The following NRG3 variants were observed in gnomAD, a reference collection of about 807,000 sequenced individuals.
NRG3 encodes neuregulin 3, also known as pro-neuregulin-3, membrane-bound isoform.
A neutral mutation model predicts 66.9 loss-of-function variants in NRG3; 31 were observed. That is an observed-to-expected ratio of 0.46 (90% CI 0.35 to 0.63). NRG3 has a LOEUF of 0.63. NRG3 is among the 20% of genes least tolerant of loss of function. NRG3 has a pLI of 0.00. For synonymous variants in NRG3, 393 were observed against 359.4 expected, an observed-to-expected ratio of 1.09 and a Z score of -1.06; for missense variants, 910 against 878.9, an observed-to-expected ratio of 1.04 and a Z score of -0.45.
intron 1 of NRG3, among the ~76,000 whole-genome samples, chr10:82,180,672 A>G (rs567607439): frequency 6.6e-6 from 1 of 151,968 alleles, no homozygotes; most frequent in African/African-American, 2.4e-5. Flanking sequence ...TTTTACATGC[A>G]TATTCATCAG....
chr10:82,929,834 C>T (rs1312189635), intron 4 of NRG3, among the ~76,000 whole-genome samples: 2 of 149,534 alleles, frequency 1.3e-5, no homozygotes, highest in Non-Finnish European at 3.0e-5. Flanking sequence ...CGAGATTGTG[C>T]CACTGCACTC....
chr10:82,524,740 A>T (rs1413510687), intron 2 of NRG3, among the ~76,000 whole-genome samples: 1 of 151,854 alleles, frequency 6.6e-6, no homozygotes, highest in African/African-American at 2.4e-5. Context: ...TTCATTTCAA[A>T]TCCTATATAT....
chr10:82,468,927 A>G (rs1319372150), intron 2 of NRG3, among the ~76,000 whole-genome samples: 1 of 152,142 alleles, frequency 6.6e-6, no homozygotes, highest in Non-Finnish European at 1.5e-5. Flanking sequence ...ATGGGAGAAA[A>G]AAACAAACAA....
intron 2 of NRG3, among the ~76,000 whole-genome samples, chr10:82,615,265 T>C (rs1476440508): frequency 1.3e-5 from 2 of 152,272 alleles, no homozygotes; most frequent in Admixed American, 6.5e-5. Flanking sequence ...TGATATGTTA[T>C]CTGATTATAA....
At chr10:81,999,647 C>T (rs538396764) in intron 1 of NRG3, among the ~76,000 whole-genome samples, 1 of 152,228 alleles carries the variant, frequency 6.6e-6, no homozygotes, top group East Asian at 1.9e-4. Context: ...CAAATAGATT[C>T]ATATGTGCTC....
intron 2 of NRG3, among the ~76,000 whole-genome samples, chr10:82,509,202 T>C (rs1844948658): frequency 6.6e-6 from 1 of 152,190 alleles, no homozygotes; most frequent in African/African-American, 2.4e-5. Context: ...ACTTCTACTC[T>C]GCAATCAATG....
chr10:82,887,005 C>T (rs1432846491), intron 4 of NRG3, among the ~76,000 whole-genome samples: 1 of 152,196 alleles, frequency 6.6e-6, no homozygotes, highest in Non-Finnish European at 1.5e-5. Flanking sequence ...ATCACAGAAG[C>T]AGTTCTTACC....
At chr10:82,471,386 T>A (rs1590243872) in intron 2 of NRG3, among the ~76,000 whole-genome samples, 1 of 152,144 alleles carries the variant, frequency 6.6e-6, no homozygotes, top group Non-Finnish European at 1.5e-5. Context: ...TGTCTCACTC[T>A]CTGTTACCTG....
intron 1 of NRG3, among the ~76,000 whole-genome samples, chr10:82,068,243 A>G (rs2064602055): frequency 6.6e-6 from 1 of 152,212 alleles, no homozygotes; most frequent in Admixed American, 6.5e-5. Flanking sequence ...CCTTTTAACA[A>G]TTAGTATTTA....
chr10:82,708,463 C>G (rs970499045), intron 2 of NRG3, among the ~76,000 whole-genome samples: 1 of 152,170 alleles, frequency 6.6e-6, no homozygotes, highest in African/African-American at 2.4e-5. Context: ...ACTCTCCTCT[C>G]ACTTGCCATC....
At chr10:82,085,006 G>C (rs1438670902) in intron 1 of NRG3, among the ~76,000 whole-genome samples, 1 of 152,114 alleles carries the variant, frequency 6.6e-6, no homozygotes, top group African/African-American at 2.4e-5. Context: ...GAAAATGATT[G>C]CCTCAGGAAC....
At chr10:82,634,999 CCTT>C (rs1391054211) in intron 2 of NRG3, among the ~76,000 whole-genome samples, 1 of 152,112 alleles carries the variant, frequency 6.6e-6, no homozygotes, top group Non-Finnish European at 1.5e-5. Context: ...TAATCTAGAA[CCTT>C]CTTCTTAACA....
At chr10:82,273,714 GA>G (rs1339543187) in intron 1 of NRG3, among the ~76,000 whole-genome samples, 1 of 151,970 alleles carries the variant, frequency 6.6e-6, no homozygotes, top group African/African-American at 2.4e-5. Flanking sequence ...AACTTTGAAA[GA>G]ATAATAGTGA....
At chr10:82,278,005 A>G (rs867618211) in intron 1 of NRG3, among the ~76,000 whole-genome samples, 7 of 152,108 alleles carry the variant, frequency 4.6e-5, no homozygotes, top group Non-Finnish European at 1.0e-4. Context: ...AACTTCAAAT[A>G]TCACCACACA....
At chr10:82,618,333 A>T (rs1162205351) in intron 2 of NRG3, among the ~76,000 whole-genome samples, 1 of 151,460 alleles carries the variant, frequency 6.6e-6, no homozygotes, top group Non-Finnish European at 1.5e-5. Flanking sequence ...GACGGGGGGG[A>T]ATTTATGCGG....
intron 2 of NRG3, among the ~76,000 whole-genome samples, chr10:82,391,335 A>C (rs1181708974): frequency 6.6e-6 from 1 of 152,298 alleles, no homozygotes; most frequent in South Asian, 2.1e-4. Context: ...GAAAGAACAC[A>C]AAAGAGGTAT....
chr10:82,686,368 A>G (rs1443201977), intron 2 of NRG3, among the ~76,000 whole-genome samples: 1 of 151,812 alleles, frequency 6.6e-6, no homozygotes, highest in Admixed American at 6.6e-5. Flanking sequence ...TTGTATTTTT[A>G]GTAGAGATGG....
intron 2 of NRG3, among the ~76,000 whole-genome samples, chr10:82,405,507 T>C (rs2087450126): frequency 6.9e-6 from 1 of 144,870 alleles, no homozygotes; most frequent in Non-Finnish European, 1.5e-5. Context: ...CAGGCTGGAG[T>C]GTGCAGTGGC....
At chr10:82,162,802 A>C (rs1320097886) in intron 1 of NRG3, among the ~76,000 whole-genome samples, 1 of 152,164 alleles carries the variant, frequency 6.6e-6, no homozygotes, top group Admixed American at 6.6e-5. Flanking sequence ...TTTATACATA[A>C]GCCAAAGTCC....
Sources: gnomAD v4.1 joint callset for allele counts (sites outside exome capture counted in the v4.1 genomes callset) on GRCh38, gnomAD v4.1.1 for gene constraint, MANE v1.5 for transcripts, NCBI Gene and HGNC (gene_info 2026-07-23, HGNC 2026-07-21) for gene names.